The following CNOT1 variants were observed in gnomAD, a reference collection of about 807,000 sequenced individuals.
CNOT1 encodes the protein CCR4-associated factor 1.
In CNOT1, 15 loss-of-function variants were observed where a neutral mutation model predicts 273.8. That is an observed-to-expected ratio of 0.05 (90% CI 0.04 to 0.08). The LOEUF (loss-of-function observed/expected upper bound fraction) is 0.08. CNOT1 is among the 10% of genes least tolerant of loss of function. The pLI, the probability that CNOT1 is intolerant of heterozygous loss-of-function variation, is 1.00. For missense variants in CNOT1, 1,644 were observed against 2,912.2 expected, an observed-to-expected ratio of 0.56 and a Z score of 10.02; for synonymous variants, 1,022 against 1,005.5, an observed-to-expected ratio of 1.02 and a Z score of -0.31.
intron 46 of CNOT1, among the ~76,000 whole-genome samples, chr16:58,524,217 T>C (rs1174785083): frequency 2.1e-5 from 3 of 142,932 alleles, no homozygotes; most frequent in South Asian, 2.2e-4. Context: ...GCCACTGCCT[T>C]CTAGCCTGGG....
chr16:58,589,009 T>C, intron 2 of CNOT1, 103 bp from the exon 3 acceptor site: 1 of 1,309,692 alleles, frequency 7.6e-7, no homozygotes, highest in Non-Finnish European at 1.0e-6. Flanking sequence ...AATTCCAATT[T>C]ACATTAGTTA....
At chr16:58,575,432 C>T (rs1412676809) in intron 14 of CNOT1, among the ~76,000 whole-genome samples, 1 of 152,136 alleles carries the variant, frequency 6.6e-6, no homozygotes, top group Non-Finnish European at 1.5e-5. Context: ...TATCCCTACC[C>T]ATTTTTCAAA....
intron 39 of CNOT1, among the ~76,000 whole-genome samples, chr16:58,534,938 G>C (rs1002609950): frequency 1.3e-5 from 2 of 152,030 alleles, no homozygotes; most frequent in Non-Finnish European, 2.9e-5. Flanking sequence ...ATCTGATCTA[G>C]GTATTTTAAT....
intron 40 of CNOT1, among the ~76,000 whole-genome samples, chr16:58,533,456 G>A (rs2039831652): frequency 6.6e-6 from 1 of 152,170 alleles, no homozygotes; most frequent in Non-Finnish European, 1.5e-5. Flanking sequence ...CTAACATGGT[G>A]AAACCCTGTC....
In CNOT1 at chr16:58,526,086, G is replaced by A. The variant is rs758304362; in HGVS notation, c.6506C>T (p.Thr2169Ile). 8 of 1,613,938 alleles carry A rather than the reference G, an allele frequency of 5.0e-6. No individual in the cohort carries two copies. Among genetic ancestry groups the A allele is most frequent in the Non-Finnish European group, 6.8e-6 (8 of 1,179,962 alleles). ...NIAPRILTNF[T>I]GVMPPQFKKD... Reference sequence around the variant, plus strand: ...TTTGAACTGAGGTGGCATTACTCCAGTGAAATTGGTGAGAATCCGGGGAGC... The same window carrying A: ...TTTGAACTGAGGTGGCATTACTCCAATGAAATTGGTGAGAATCCGGGGAGC... The change falls in exon 45 of 49, where the codon ACT becomes ATT. Residue 2169 changes from threonine (T) to isoleucine (I), a missense_variant. By Grantham distance (89) the Thr-to-Ile change is moderately conservative. Coordinates refer to ENST00000317147, the MANE Select transcript of CNOT1 (RefSeq NM_016284.5).
At chr16:58,611,156 C>A (rs1326412234) in intron 1 of CNOT1, among the ~76,000 whole-genome samples, 1 of 151,912 alleles carries the variant, frequency 6.6e-6, no homozygotes, top group South Asian at 2.1e-4. Flanking sequence ...AGGCTGAGTG[C>A]GGTGGCTCAT....
intron 1 of CNOT1, among the ~76,000 whole-genome samples, 193 bp from the exon 2 acceptor site, chr16:58,599,704 T>C (rs1398860452): frequency 6.6e-6 from 1 of 152,142 alleles, no homozygotes; most frequent in Non-Finnish European, 1.5e-5. Flanking sequence ...TCTAAAAAGA[T>C]AGTAAGGTAG....
chr16:58,598,589 G>A (rs56093443), intron 2 of CNOT1, among the ~76,000 whole-genome samples: 2 of 149,372 alleles, frequency 1.3e-5, no homozygotes, highest in Non-Finnish European at 3.0e-5. Flanking sequence ...ATTGCAGTAA[G>A]ACAAAATTGC....
intron 47 of CNOT1, 53 bp downstream of exon 47, chr16:58,523,317 A>G: frequency 6.8e-7 from 1 of 1,472,044 alleles, no homozygotes; most frequent in Non-Finnish European, 9.2e-7. Context: ...AAAAAAAAAG[A>G]TGAAAGGGAG....
intron 1 of CNOT1, among the ~76,000 whole-genome samples, chr16:58,610,623 C>A (rs949317414): frequency 1.3e-5 from 2 of 152,008 alleles, no homozygotes; most frequent in Non-Finnish European, 1.5e-5. Context: ...GAGGGCGGAT[C>A]ACAAGGTCAG....
intron 1 of CNOT1, among the ~76,000 whole-genome samples, chr16:58,613,997 C>T (rs2042991154): frequency 8.8e-6 from 1 of 113,428 alleles, no homozygotes; most frequent in African/African-American, 3.0e-5. Flanking sequence ...GAGGCTGAGG[C>T]AGGAGAATGG....
intron 43 of CNOT1, 93 bp from the exon 44 acceptor site, chr16:58,528,741 G>T: frequency 1.3e-6 from 1 of 759,168 alleles, no homozygotes; most frequent in Non-Finnish European, 2.1e-6. Context: ...CCCCTCAAAA[G>T]AATGAAGTAT....
At chr16:58,562,336 C>G (rs1376193861) in intron 16 of CNOT1, among the ~76,000 whole-genome samples, 1 of 151,112 alleles carries the variant, frequency 6.6e-6, no homozygotes, top group Admixed American at 6.6e-5. Flanking sequence ...GACTTCATCT[C>G]TACAAAAAAT....
intron 44 of CNOT1, among the ~76,000 whole-genome samples, chr16:58,526,821 A>AC (rs1434384815): frequency 3.7e-4 from 33 of 89,872 alleles, no homozygotes; most frequent in Non-Finnish European, 6.4e-4. Context: ...CCGTCTCAAA[A>AC]AAAAAAAAAA....
At chr16:58,562,446 G>A (rs1310249541) in intron 16 of CNOT1, among the ~76,000 whole-genome samples, 3 of 149,346 alleles carry the variant, frequency 2.0e-5, no homozygotes, top group African/African-American at 4.9e-5. Context: ...CAAGGCTGTA[G>A]TGAGCTATGA....
At chr16:58,554,875 GCAGTGGGCC>G (rs2040577032) in intron 21 of CNOT1, among the ~76,000 whole-genome samples, 1 of 136,248 alleles carries the variant, frequency 7.3e-6, no homozygotes, top group African/African-American at 2.8e-5. Context: ...GGCGGAAGGT[GCAGTGGGCC>G]CAGATTGCAC....
chr16:58,591,014 G>C (rs1168691031), intron 2 of CNOT1, among the ~76,000 whole-genome samples: 1 of 148,772 alleles, frequency 6.7e-6, no homozygotes, highest in Non-Finnish European at 1.5e-5. Context: ...AAGTAAAACA[G>C]AGCTTGCTAA....
chr16:58,625,837 A>G (rs1161530650), intron 1 of CNOT1, among the ~76,000 whole-genome samples: 1 of 136,426 alleles, frequency 7.3e-6, no homozygotes, highest in Non-Finnish European at 1.5e-5. Flanking sequence ...CAGCCTAGGC[A>G]TTGAAGTGAA....
chr16:58,574,769 T>C lies in CNOT1; in HGVS notation c.1828-9A>G, dbSNP rs757603275. 22 of 1,588,350 alleles carry C rather than the reference T, an allele frequency of 1.4e-5. No homozygotes were observed. The highest frequency in any genetic ancestry group is 1.7e-4 in the Middle Eastern group (1 of 6,018). ...GCCTGGATAAAAGGCTCCTGAAGAA[T>C]AGAAAAGTCTCTCAGTGTATTTAAA... is the stretch of plus-strand genomic sequence containing the variant. On this transcript the variant is annotated splice_polypyrimidine_tract_variant and intron_variant, in intron 15 of 48. Coordinates refer to ENST00000317147, the MANE Select transcript of CNOT1 (RefSeq NM_016284.5).
Sources: gnomAD v4.1 joint callset for allele counts (sites outside exome capture counted in the v4.1 genomes callset) on GRCh38, gnomAD v4.1.1 for gene constraint, MANE v1.5 for transcripts, NCBI Gene and HGNC (gene_info 2026-07-23, HGNC 2026-07-21) for gene names.